The following ARL5A variants were observed in gnomAD, a reference collection of about 807,000 sequenced individuals.
ARL5A encodes ADP-ribosylation factor-like protein 5A.
In ARL5A, 18 loss-of-function variants were observed where a neutral mutation model predicts 25.9. The observed-to-expected ratio is 0.69, with a 90% CI of 0.48 to 1.03. The LOEUF is 1.03. Ranked by LOEUF, ARL5A falls within the 50% of genes least tolerant of loss-of-function variation. ARL5A has a pLI of 0.00. For missense variants in ARL5A, 170 were observed against 211.9 expected, an observed-to-expected ratio of 0.80 and a Z score of 1.23; for synonymous variants, 61 against 67.5, an observed-to-expected ratio of 0.90 and a Z score of 0.47.
intron 5 of ARL5A, among the ~76,000 whole-genome samples, chr2:151,806,316 T>C (rs939028222): frequency 3.7e-4 from 56 of 152,218 alleles, no homozygotes; most frequent in Non-Finnish European, 1.5e-4. Flanking sequence ...TTTGTTTAAG[T>C]GCATCAGTTC....
At chr2:151,810,689 G>A in intron 4 of ARL5A, 1 of 266,972 alleles carries the variant, frequency 3.7e-6, no homozygotes, top group South Asian at 3.5e-5. Context: ...AGTGACCTAT[G>A]TAAGTTAATG....
At position 151,799,257 on chromosome 2, in the gene ARL5A, T is replaced by G. The variant is rs1310354780; in HGVS notation, c.*4019A>C. The G allele has an allele frequency of 2.0e-5, 3 of 152,228 alleles. No homozygotes were observed. Among genetic ancestry groups the G allele is most frequent in the African/African-American group, 7.2e-5 (3 of 41,454 alleles). 9.4% of individuals were successfully genotyped at this position (152,228 alleles called of 1,614,324 possible). ...ATGACAAGTGATTATTTCGATGTCT[T>G]TAAAGCCCATTTCAACAGGTTTATT... On this transcript the variant is annotated 3_prime_UTR_variant, in exon 6 of 6. Transcript: ENST00000295087.
At position 151,812,415 on chromosome 2, in the gene ARL5A, G is replaced by A; in HGVS notation, c.281C>T (p.Thr94Ile). 1 of 1,601,724 alleles carries A rather than the reference G, an allele frequency of 6.2e-7. No homozygotes were observed. The highest frequency in any genetic ancestry group is 8.5e-7 in the Non-Finnish European group (1 of 1,175,754). Residue 94 changes from threonine to isoleucine, a missense_variant, in exon 4 of 6, where the codon ACA (threonine) becomes ATA (isoleucine). Thr to Ile is a moderately conservative substitution (Grantham distance 89). Transcript: ENST00000295087. ...AGTTACAGAAATCCTCTCTCTGTCT[G>A]TACTGTCCACAACAACTATTACAAA... ...TEFVIVVVDSTDRERISVTRE... is the reference protein window; with the variant it reads ...TEFVIVVVDSIDRERISVTRE...
At chr2:151,812,797 A>G (rs769946224) in intron 3 of ARL5A, among the ~76,000 whole-genome samples, 1 of 152,142 alleles carries the variant, frequency 6.6e-6, no homozygotes, top group Non-Finnish European at 1.5e-5. Flanking sequence ...TTCCAGGTAG[A>G]TATTATTTAT....
At chr2:151,820,660 CAAAAAAAAAA>C (rs71410438) in intron 1 of ARL5A, among the ~76,000 whole-genome samples, 28 of 45,082 alleles carry the variant, frequency 6.2e-4, no homozygotes, top group East Asian at 2.4e-3. Context: ...ATCCTGTCTC[CAAAAAAAAAA>C]AAAAAAAAAA....
At chr2:151,812,255 T>A (rs2099830943) in intron 4 of ARL5A, 102 bp downstream of exon 4, 1 of 716,886 alleles carries the variant, frequency 1.4e-6, no homozygotes, top group Non-Finnish European at 2.2e-6. Flanking sequence ...CTAATTATTT[T>A]TAAAAATTTG....
At chr2:151,819,277 C>T (rs1013763099) in intron 1 of ARL5A, among the ~76,000 whole-genome samples, 3 of 152,056 alleles carry the variant, frequency 2.0e-5, no homozygotes, top group African/African-American at 7.2e-5. Flanking sequence ...ACCATTTTTT[C>T]AAAATAGTTT....
chr2:151,818,495 T>C (rs954146208), intron 1 of ARL5A, among the ~76,000 whole-genome samples: 1 of 152,118 alleles, frequency 6.6e-6, no homozygotes, highest in African/African-American at 2.4e-5. Context: ...CAGGCCGGTC[T>C]CAAACTCCTG....
At chr2:151,820,775 T>C (rs2099832201) in intron 1 of ARL5A, among the ~76,000 whole-genome samples, 1 of 148,784 alleles carries the variant, frequency 6.7e-6, no homozygotes, top group African/African-American at 2.5e-5. Flanking sequence ...TGGCTAGCCA[T>C]GGAATTTGGG....
chr2:151,828,193 C>G lies in ARL5A; in HGVS notation c.-17G>C, dbSNP rs761855980. On this transcript the variant is annotated 5_prime_UTR_variant, in exon 1 of 6. Transcript: ENST00000295087. ...AATTCCCATTCTCGGGCAGCGGACC[C>G]CCCCCCTCCAGACACCCGGGCCGCC... 6.2e-6 allele frequency: 10 copies of G among 1,600,514 alleles called. No individual in the cohort carries two copies. Among genetic ancestry groups the G allele is most frequent in the Middle Eastern group, 1.7e-4 (1 of 6,038 alleles).
At chr2:151,803,970 AT>A (rs1261428172) in intron 5 of ARL5A, among the ~76,000 whole-genome samples, 21 of 152,192 alleles carry the variant, frequency 1.4e-4, no homozygotes, top group Non-Finnish European at 2.5e-4. Context: ...ACAGAAAAAA[AT>A]AAATTACAAG....
At chr2:151,819,459 A>AT (rs201257589) in intron 1 of ARL5A, among the ~76,000 whole-genome samples, 3 of 151,630 alleles carry the variant, frequency 2.0e-5, no homozygotes, top group African/African-American at 4.9e-5. Context: ...AATGAGTGCC[A>AT]TTTTTTTTTT....
chr2:151,804,789 T>C (rs542144654), intron 5 of ARL5A, among the ~76,000 whole-genome samples: 7 of 152,132 alleles, frequency 4.6e-5, no homozygotes, highest in Admixed American at 3.9e-4. Flanking sequence ...ATGGGAAAAG[T>C]AGGAGTCAAA....
At chr2:151,807,537 T>C (rs577855069) in intron 4 of ARL5A, among the ~76,000 whole-genome samples, 3 of 152,302 alleles carry the variant, frequency 2.0e-5, no homozygotes, top group Non-Finnish European at 2.9e-5. Context: ...AGTGACTACA[T>C]TGCAAATCTC....
Position 151,828,313 on chromosome 2 carries a change from A to T in ARL5A, c.-137T>A. The T allele has an allele frequency of 1.4e-6, 1 of 710,406 alleles. No individual in the cohort carries two copies. Among genetic ancestry groups the T allele is most frequent in the Non-Finnish European group, 2.2e-6 (1 of 452,418 alleles). The allele number at this position is 710,406 out of a possible 1,614,324, so 44.0% of individuals were successfully genotyped here. ...CCGCGCTGGTCGCGGGCCCGCTTCCAGGGAACCGGAGGGAGGCCGAAGCCC... is the reference window on the plus strand; with the variant it reads ...CCGCGCTGGTCGCGGGCCCGCTTCCTGGGAACCGGAGGGAGGCCGAAGCCC... On this transcript the variant is annotated 5_prime_UTR_variant, in exon 1 of 6. Transcript: ENST00000295087.
chr2:151,823,051 C>A (rs892821899), intron 1 of ARL5A, among the ~76,000 whole-genome samples: 7 of 152,130 alleles, frequency 4.6e-5, no homozygotes, highest in African/African-American at 1.7e-4. Context: ...AACACAAAAA[C>A]ACCAGGGCAA....
At chr2:151,820,919 A>T (rs754640635) in intron 1 of ARL5A, among the ~76,000 whole-genome samples, 2 of 152,170 alleles carry the variant, frequency 1.3e-5, no homozygotes, top group Non-Finnish European at 2.9e-5. Flanking sequence ...GAGAGAAATT[A>T]GCCAAGGTCT....
At chr2:151,827,994 A>C (rs2099833312) in intron 1 of ARL5A, 137 bp downstream of exon 1, 1 of 860,560 alleles carries the variant, frequency 1.2e-6, no homozygotes, top group Non-Finnish European at 1.9e-6. Context: ...CCGGGCCCGT[A>C]TCCGCGCAGC....
intron 5 of ARL5A, among the ~76,000 whole-genome samples, chr2:151,804,013 C>T (rs1216049051): frequency 6.6e-6 from 1 of 151,742 alleles, no homozygotes; most frequent in Admixed American, 6.6e-5. Context: ...TAAAATTTTC[C>T]TTTAAAAAAT....
Sources: gnomAD v4.1 joint callset for allele counts (sites outside exome capture counted in the v4.1 genomes callset) on GRCh38, gnomAD v4.1.1 for gene constraint, MANE v1.5 for transcripts, NCBI Gene and HGNC (gene_info 2026-07-23, HGNC 2026-07-21) for gene names.